Variants in RABGAP1 observed in about 807,000 individuals in gnomAD.
The protein encoded by RABGAP1 is rab GTPase-activating protein 1.
Under a neutral mutation model 137.6 loss-of-function variants are expected in RABGAP1, and 23 were observed. The ratio of observed to expected loss-of-function variants is 0.17; its 90% CI spans 0.12 to 0.24. The LOEUF (loss-of-function observed/expected upper bound fraction) is 0.24. Ranked by LOEUF, RABGAP1 falls within the 10% of genes least tolerant of loss-of-function variation. The pLI, the probability that RABGAP1 is intolerant of heterozygous loss-of-function variation, is 1.00. For synonymous variants in RABGAP1, 451 were observed against 450.7 expected, an observed-to-expected ratio of 1.00 and a Z score of -0.01; for missense variants, 906 against 1,275.8, an observed-to-expected ratio of 0.71 and a Z score of 4.42.
At chr9:123,025,519 TTTATTTGTTCAGA>T (rs2031900818) in intron 13 of RABGAP1, among the ~76,000 whole-genome samples, 2 of 151,126 alleles carry the variant, frequency 1.3e-5, no homozygotes, top group East Asian at 3.8e-4. Flanking sequence ...AGTATGTCTT[TTTATTTGTTCAGA>T]TCTTTCTTTT....
intron 13 of RABGAP1, among the ~76,000 whole-genome samples, chr9:123,035,870 T>C (rs1180154194): frequency 6.6e-6 from 1 of 152,200 alleles, no homozygotes; most frequent in Non-Finnish European, 1.5e-5. Flanking sequence ...ATTTTTGAAA[T>C]GTCTTGGAAA....
At chr9:123,079,811 G>A (rs978384738) in intron 19 of RABGAP1, among the ~76,000 whole-genome samples, 2 of 152,004 alleles carry the variant, frequency 1.3e-5, no homozygotes, top group Non-Finnish European at 2.9e-5. Flanking sequence ...TCAAATTGCA[G>A]TATCTAAAGT....
intron 13 of RABGAP1, among the ~76,000 whole-genome samples, chr9:123,054,928 A>G (rs771798526): frequency 1.9e-4 from 29 of 152,158 alleles, no homozygotes; most frequent in Non-Finnish European, 2.6e-4. Flanking sequence ...GTTGACCTCA[A>G]TTATCTGGCC....
chr9:123,066,355 C>A (rs2034172012), intron 14 of RABGAP1, among the ~76,000 whole-genome samples: 1 of 152,092 alleles, frequency 6.6e-6, no homozygotes, highest in African/African-American at 2.4e-5. Flanking sequence ...GTTTTATTTC[C>A]TGCTTAAGCA....
In RABGAP1 at chr9:122,996,048, C is replaced by G. The variant is rs942603524; in HGVS notation, c.931C>G (p.Pro311Ala). 5.6e-6 allele frequency: 9 copies of G among 1,603,634 alleles called. No individual in the cohort carries two copies. Among genetic ancestry groups the G allele is most frequent in the Non-Finnish European group, 7.6e-6 (9 of 1,176,754 alleles). Residue 311 changes from proline (P) to alanine (A), a missense_variant, in exon 7 of 26, where the codon CCC (proline) becomes GCC (alanine). Coordinates refer to ENST00000373647, the MANE Select transcript of RABGAP1 (RefSeq NM_012197.4). ...AAACATGTTGGTCTACAGTGCAGTT[C>G]CCAAAGATAAGGACAGACAGTGCTT... ...DDGKGYFSAV[P>A]KDKDRQCFKL...
At chr9:123,021,733 T>G (rs1167412453) in intron 13 of RABGAP1, among the ~76,000 whole-genome samples, 1 of 152,236 alleles carries the variant, frequency 6.6e-6, no homozygotes, top group Admixed American at 6.5e-5. Flanking sequence ...ATTTTTTTTG[T>G]TTCAATAAGT....
intron 10 of RABGAP1, among the ~76,000 whole-genome samples, chr9:123,004,290 C>A (rs545972450): frequency 6.6e-6 from 1 of 152,208 alleles, no homozygotes; most frequent in East Asian, 1.9e-4. Flanking sequence ...TGTATCTCAA[C>A]AACGTCTTTT....
chr9:123,091,753 G>T (rs1055439274), intron 21 of RABGAP1, among the ~76,000 whole-genome samples: 5 of 152,096 alleles, frequency 3.3e-5, no homozygotes, highest in Non-Finnish European at 5.9e-5. Context: ...AATGTTTCAA[G>T]GTCATTAGCC....
intron 10 of RABGAP1, among the ~76,000 whole-genome samples, chr9:123,007,915 A>G (rs2030443835): frequency 1.3e-5 from 2 of 149,238 alleles, no homozygotes; most frequent in Non-Finnish European, 1.5e-5. Context: ...AATTTTATAT[A>G]TAATTTAAAA....
chr9:123,097,891 A>T (rs2035231168), intron 22 of RABGAP1, 46 bp downstream of exon 22: 3 of 1,533,782 alleles, frequency 2.0e-6, no homozygotes, highest in African/African-American at 2.8e-5. Context: ...ATGCTTGAGA[A>T]CTGGGAGTTC....
intron 1 of RABGAP1, among the ~76,000 whole-genome samples, chr9:122,955,251 A>G (rs893597807): frequency 3.3e-5 from 5 of 152,212 alleles, no homozygotes; most frequent in Non-Finnish European, 7.4e-5. Context: ...TTTACCCTAA[A>G]TCAGTACTTA....
intron 10 of RABGAP1, among the ~76,000 whole-genome samples, chr9:123,003,273 A>C (rs769323051): frequency 1.2e-4 from 19 of 152,222 alleles, no homozygotes; most frequent in Non-Finnish European, 2.5e-4. Context: ...TTTTCACTTT[A>C]TAGATGAGGA....
chr9:123,010,257 C>A, intron 10 of RABGAP1, 97 bp from the exon 11 acceptor site: 3 of 1,120,874 alleles, frequency 2.7e-6, no homozygotes, highest in Non-Finnish European at 3.7e-6. Flanking sequence ...TTGCAGTGAG[C>A]CGAGATCACT....
chr9:122,976,544 TTCTATAA>T (rs1282824618), intron 2 of RABGAP1, among the ~76,000 whole-genome samples: 1 of 152,232 alleles, frequency 6.6e-6, no homozygotes, highest in Non-Finnish European at 1.5e-5. Flanking sequence ...CAGATTTCCT[TTCTATAA>T]TTAAACCAAA....
At chr9:123,079,967 T>C (rs1402521194) in intron 19 of RABGAP1, among the ~76,000 whole-genome samples, 1 of 152,186 alleles carries the variant, frequency 6.6e-6, no homozygotes, top group East Asian at 1.9e-4. Context: ...CTTATAAATA[T>C]CGATTGAATA....
In RABGAP1 at chr9:123,073,522, C is replaced by G. The variant is rs1003861497; in HGVS notation, c.1984-30C>G. 8 of 1,598,102 alleles carry G rather than the reference C, an allele frequency of 5.0e-6. No individual in the cohort carries two copies. In the Admixed American group the frequency reaches 1.2e-4, roughly 25 times the overall value. ...TTTGTGATTCCCCACCGCCATCCTCCCTACCCAACAACTTGCCTATCTGTT... is the reference window on the plus strand; with the variant it reads ...TTTGTGATTCCCCACCGCCATCCTCGCTACCCAACAACTTGCCTATCTGTT... On this transcript the variant is annotated intron_variant, in intron 15 of 25. Transcript: ENST00000373647.
chr9:123,102,200 A>T (rs529247554), intron 25 of RABGAP1, among the ~76,000 whole-genome samples: 4 of 152,202 alleles, frequency 2.6e-5, no homozygotes, highest in Admixed American at 1.3e-4. Flanking sequence ...GGCTTTATAA[A>T]TGCAAGCTTT....
At chr9:123,032,786 C>T (rs184604305) in intron 13 of RABGAP1, among the ~76,000 whole-genome samples, 12 of 152,220 alleles carry the variant, frequency 7.9e-5, no homozygotes, top group Admixed American at 3.3e-4. Flanking sequence ...ATGACATTAC[C>T]AGGAAAACCA....
At chr9:123,057,922 G>A (rs568950690) in intron 13 of RABGAP1, among the ~76,000 whole-genome samples, 4 of 152,280 alleles carry the variant, frequency 2.6e-5, no homozygotes, top group African/African-American at 7.2e-5. Flanking sequence ...GCGTGGCGGC[G>A]CGCGCCTGCA....
Sources: gnomAD v4.1 joint callset for allele counts (sites outside exome capture counted in the v4.1 genomes callset) on GRCh38, gnomAD v4.1.1 for gene constraint, MANE v1.5 for transcripts, NCBI Gene and HGNC (gene_info 2026-07-23, HGNC 2026-07-21) for gene names.